Variants in SIPA1L1 observed in about 807,000 individuals in gnomAD.
SIPA1L1 encodes signal-induced proliferation-associated 1-like protein 1.
In SIPA1L1, 26 loss-of-function variants were observed where a neutral mutation model predicts 162.7. The ratio of observed to expected loss-of-function variants is 0.16; its 90% confidence interval spans 0.12 to 0.22. The LOEUF is 0.22. Ranked by LOEUF, SIPA1L1 falls within the 10% of genes least tolerant of loss-of-function variation. SIPA1L1 has a pLI of 1.00. For synonymous variants in SIPA1L1, 829 were observed against 837.4 expected (o/e 0.99, Z 0.17); for missense variants, 1,874 against 2,241.0 (o/e 0.84, Z 3.31).
chr14:71,722,793 T>C (rs2083864954), intron 17 of SIPA1L1, among the ~76,000 whole-genome samples: 1 of 152,226 alleles, frequency 6.6e-6, no homozygotes. Flanking sequence ...TGGAGTGCAG[T>C]GGCGTGATCT....
intron 2 of SIPA1L1, among the ~76,000 whole-genome samples, chr14:71,439,125 G>C (rs1275665312): frequency 6.6e-6 from 1 of 152,178 alleles, no homozygotes; most frequent in East Asian, 1.9e-4. Context: ...CTCATGGAGA[G>C]GAGGGCAACA....
intron 16 of SIPA1L1, among the ~76,000 whole-genome samples, chr14:71,707,032 CAAA>C (rs775191889): frequency 6.5e-5 from 6 of 92,364 alleles, no homozygotes; most frequent in Non-Finnish European, 4.6e-5. Flanking sequence ...AAGACTCCGT[CAAA>C]AAAAAAAAAA....
chr14:71,705,993 C>T (rs1256626136), intron 16 of SIPA1L1, among the ~76,000 whole-genome samples: 1 of 151,978 alleles, frequency 6.6e-6, no homozygotes, highest in East Asian at 1.9e-4. Context: ...CTTGGTGTGT[C>T]TGTTCACTGG....
At chr14:71,549,475 T>G (rs1820425064) in intron 4 of SIPA1L1, among the ~76,000 whole-genome samples, 1 of 152,194 alleles carries the variant, frequency 6.6e-6, no homozygotes, top group Admixed American at 6.5e-5. Context: ...TTATTTATTC[T>G]CTTATTATTT....
intron 13 of SIPA1L1, among the ~76,000 whole-genome samples, chr14:71,697,503 G>A (rs2081736809): frequency 6.6e-6 from 1 of 152,134 alleles, no homozygotes; most frequent in South Asian, 2.1e-4. Context: ...AAAAAATGAT[G>A]TTTATCTTGA....
intron 2 of SIPA1L1, among the ~76,000 whole-genome samples, chr14:71,511,900 A>T (rs552710197): frequency 6.0e-4 from 91 of 152,332 alleles, no homozygotes; most frequent in African/African-American, 2.2e-3. Flanking sequence ...TGGTGAACAC[A>T]TTTAGGTGCT....
At chr14:71,359,858 G>A (rs140132806) in intron 2 of SIPA1L1, among the ~76,000 whole-genome samples, 1 of 152,304 alleles carries the variant, frequency 6.6e-6, no homozygotes, top group Non-Finnish European at 1.5e-5. Flanking sequence ...TCTTAAAATC[G>A]AGAGTACTAA....
At position 71,502,253 on chromosome 14, in the gene SIPA1L1, A is replaced by ATATATATATAT. The variant is rs1555440974; in HGVS notation, c.-464-10490_-464-10489insTATATATATAT. ...CCTTTGAGATACTTGAAAAAAAAAA[A>ATATATATATAT]AAATATATATATATATATATATATA... is the stretch of plus-strand genomic sequence containing the variant. On this transcript the variant is annotated intron_variant, in intron 2 of 23. Coordinates refer to ENST00000381232, the MANE Select transcript of SIPA1L1 (RefSeq NM_001386936.1). Among the ~76,000 whole-genome samples, 322 of 89,756 alleles carry ATATATATATAT rather than the reference A, an allele frequency of 3.6e-3. 1 individual carries two copies. Among genetic ancestry groups the ATATATATATAT allele is most frequent in the African/African-American group, 0.012 (256 of 21,844 alleles). 58.9% of individuals were successfully genotyped at this position (89,756 alleles called of 152,430 possible).
chr14:71,461,834 A>G (rs985347845), intron 2 of SIPA1L1, among the ~76,000 whole-genome samples: 2 of 152,154 alleles, frequency 1.3e-5, no homozygotes, highest in African/African-American at 4.8e-5. Context: ...GTGCCTGCAT[A>G]TCGTGCAGAA....
chr14:71,536,685 C>T (rs1303258755), intron 4 of SIPA1L1, among the ~76,000 whole-genome samples: 1 of 152,204 alleles, frequency 6.6e-6, no homozygotes, highest in Non-Finnish European at 1.5e-5. Context: ...GGTTATACAA[C>T]AGTAGCTTGC....
rs954123153 is a variant in SIPA1L1, at chr14:71,672,336, T to G, written c.2830-12T>G. 1 of 1,613,046 alleles carries G rather than the reference T, an allele frequency of 6.2e-7. No homozygotes were observed. The highest frequency in any genetic ancestry group is 1.3e-5 in the African/African-American group (1 of 74,892). On this transcript the variant is annotated splice_polypyrimidine_tract_variant and intron_variant, in intron 11 of 23. Transcript: ENST00000381232. ...TGCTTTAAACCACAGTATCTTTTATTTCCTTGTCTAGTTTGTTTCAAAAGG... is the reference window on the plus strand; with the variant it reads ...TGCTTTAAACCACAGTATCTTTTATGTCCTTGTCTAGTTTGTTTCAAAAGG...
chr14:71,550,800 C>G (rs574469557), intron 4 of SIPA1L1, among the ~76,000 whole-genome samples: 1 of 152,162 alleles, frequency 6.6e-6, no homozygotes, highest in African/African-American at 2.4e-5. Flanking sequence ...TGAGCAATCC[C>G]AGCACTTAGG....
At chr14:71,437,504 G>A (rs1050228784) in intron 2 of SIPA1L1, among the ~76,000 whole-genome samples, 4 of 152,128 alleles carry the variant, frequency 2.6e-5, no homozygotes, top group African/African-American at 9.7e-5. Context: ...TAAGTAGCTA[G>A]GATTACAGGT....
intron 2 of SIPA1L1, among the ~76,000 whole-genome samples, chr14:71,495,234 G>A (rs1022070906): frequency 6.6e-6 from 1 of 152,042 alleles, no homozygotes. Context: ...AGAATTCCAT[G>A]GTGAAGCCAT....
chr14:71,364,188 G>T (rs553803189), intron 2 of SIPA1L1, among the ~76,000 whole-genome samples: 16 of 152,272 alleles, frequency 1.1e-4, no homozygotes, highest in African/African-American at 3.9e-4. Flanking sequence ...TGTGGCTTCT[G>T]GCAAACACTG....
intron 2 of SIPA1L1, among the ~76,000 whole-genome samples, chr14:71,333,514 C>T (rs140341940): frequency 1.5e-4 from 23 of 152,320 alleles, no homozygotes; most frequent in African/African-American, 5.5e-4. Context: ...AGAATTTCCT[C>T]CCATGTCGAT....
intron 10 of SIPA1L1, among the ~76,000 whole-genome samples, chr14:71,667,596 G>A (rs552758337): frequency 6.6e-6 from 1 of 152,352 alleles, no homozygotes; most frequent in East Asian, 1.9e-4. Flanking sequence ...GCCCTGGCCA[G>A]TAATCTGATT....
rs372757750 is a variant in SIPA1L1 at position 71,414,741 on chromosome 14, A to G, written c.-465+93560A>G. ...CTTGTTAACTCTAATGCATTGGTGT[A>G]TAGTTTGGGGTGCCAGGCTTTTCCT... is the stretch of plus-strand genomic sequence containing the variant. On this transcript the variant is annotated intron_variant, in intron 2 of 23. Coordinates refer to ENST00000381232, the MANE Select transcript of SIPA1L1 (RefSeq NM_001386936.1). Among the ~76,000 whole-genome samples, 88 of 152,308 alleles carry G rather than the reference A, an allele frequency of 5.8e-4. No homozygotes were observed. In the South Asian group the frequency reaches 0.017, roughly 30 times the overall value.
rs549630289 is a variant in SIPA1L1 at position 71,543,863 on chromosome 14, TC to T, written c.-303+14494del. Reference sequence around the variant, plus strand: ...ATATGTATGTGTATATATACATATATCATACGTATGTGTATATATACATATA... The same window carrying T: ...ATATGTATGTGTATATATACATATATATACGTATGTGTATATATACATATA... On this transcript the variant is annotated intron_variant, in intron 4 of 23. Transcript: ENST00000381232. Among the ~76,000 whole-genome samples, 47 of 144,310 alleles carry T rather than the reference TC, an allele frequency of 3.3e-4. 1 individual carries two copies. The East Asian group carries it at 7.5e-3, about 23-fold the overall frequency. The allele number at this position is 144,310 out of a possible 152,430, so 94.7% of individuals were successfully genotyped here.
Sources: gnomAD v4.1 joint callset for allele counts (sites outside exome capture counted in the v4.1 genomes callset) on GRCh38, gnomAD v4.1.1 for gene constraint, MANE v1.5 for transcripts, NCBI Gene and HGNC (gene_info 2026-07-23, HGNC 2026-07-21) for gene names.